Variants in ZNF83 observed in about 807,000 individuals in gnomAD.
The protein encoded by ZNF83 is zinc finger protein 816B.
For missense variants in ZNF83, 552 were observed against 629.9 expected (o/e 0.88, Z 1.32); for synonymous variants, 209 against 213.0 (o/e 0.98, Z 0.17).
In ZNF83 at chr19:52,613,151, G is replaced by C. The variant is rs756035466; in HGVS notation, c.1414C>G (p.Leu472Val). The change falls in exon 3 of 3, where the codon CTC becomes GTC. Residue 472 changes from leucine to valine, a missense_variant. By Grantham distance (32) the Leu-to-Val change is conservative. Transcript: ENST00000301096. ...GTGTGGATCGCATGATGATTAGTGA[G>C]GCTTGAACGCATACTAAAAGCTTTG... The C allele has an allele frequency of 7.4e-6, 12 of 1,613,546 alleles. No homozygotes were observed. The highest frequency in any genetic ancestry group is 1.0e-5 in the Non-Finnish European group (12 of 1,179,916).
intron 1 of ZNF83, among the ~76,000 whole-genome samples, chr19:52,689,520 C>T (rs1463735952): frequency 3.3e-5 from 5 of 152,142 alleles, no homozygotes; most frequent in African/African-American, 1.2e-4. Context: ...CTCTCCCTCA[C>T]CCTGATGAGC....
chr19:52,670,436 T>C (rs572381636), intron 1 of ZNF83, among the ~76,000 whole-genome samples: 96 of 152,280 alleles, frequency 6.3e-4, no homozygotes, highest in African/African-American at 2.3e-3. Context: ...GCACTCACCA[T>C]TGCTCCCTCT....
At chr19:52,683,865 G>T (rs904466784) in intron 1 of ZNF83, among the ~76,000 whole-genome samples, 1 of 152,162 alleles carries the variant, frequency 6.6e-6, no homozygotes, top group African/African-American at 2.4e-5. Context: ...AGGTGCTGCT[G>T]TTGTCCTGTG....
chr19:52,672,406 T>A (rs1414389281), intron 1 of ZNF83, among the ~76,000 whole-genome samples: 1 of 152,176 alleles, frequency 6.6e-6, no homozygotes, highest in East Asian at 1.9e-4. Flanking sequence ...AAAATATGAT[T>A]ACATTTAGAA....
At chr19:52,670,597 C>A (rs1568575253) in intron 1 of ZNF83, among the ~76,000 whole-genome samples, 1 of 152,128 alleles carries the variant, frequency 6.6e-6, no homozygotes, top group Non-Finnish European at 1.5e-5. Flanking sequence ...GAGTCAAACT[C>A]TGTAAAATAT....
chr19:52,683,013 G>GC (rs2061948181), intron 1 of ZNF83, among the ~76,000 whole-genome samples: 2 of 152,110 alleles, frequency 1.3e-5, no homozygotes, highest in Non-Finnish European at 2.9e-5. Context: ...TGAGATTATA[G>GC]GCATGTGCCA....
At chr19:52,674,841 G>T (rs1048641277) in intron 1 of ZNF83, among the ~76,000 whole-genome samples, 5 of 152,148 alleles carry the variant, frequency 3.3e-5, no homozygotes, top group Admixed American at 6.5e-5. Context: ...AGATGATTTA[G>T]ATTTAACACA....
chr19:52,685,806 G>A (rs779957645), intron 1 of ZNF83, among the ~76,000 whole-genome samples: 1 of 151,046 alleles, frequency 6.6e-6, no homozygotes, highest in South Asian at 2.1e-4. Flanking sequence ...GCTGAAGCAG[G>A]AGAATCACTT....
exon 3 of ZNF83, chr19:52,613,976 T>C (rs754185313): frequency 6.2e-7 from 1 of 1,613,578 alleles, no homozygotes; most frequent in South Asian, 1.1e-5. Context: ...GTATGAATTC[T>C]TTGATGTTGT....
chr19:52,645,317 G>A lies in ZNF83; in HGVS notation c.-73-10164C>T, dbSNP rs901185059. On this transcript the variant is annotated intron_variant, in intron 3 of 5. Coordinates refer to the ZNF83 transcript ENST00000594682. ...ATAAATAATAAAGACTAGAAAGCAT[G>A]CACATCTCGATTTGAACCAGACACA... Among the ~76,000 whole-genome samples the A allele has an allele frequency of 7.9e-5, 12 of 152,076 alleles. 1 individual carries two copies. The highest frequency in any genetic ancestry group is 7.9e-4 in the Admixed American group (12 of 15,256).
intron 1 of ZNF83, chr19:52,660,927 T>G (rs2061571724): frequency 6.5e-6 from 1 of 152,928 alleles, no homozygotes; most frequent in Admixed American, 6.6e-5. Context: ...TTCAGTGACA[T>G]GATCTCGTCT....
At chr19:52,635,310 CA>C (rs1280992627) in intron 1 of ZNF83, 157 bp from the exon 2 acceptor site, 1 of 419,932 alleles carries the variant, frequency 2.4e-6, no homozygotes, top group Non-Finnish European at 4.2e-6. Context: ...AAAACTCCCG[CA>C]CCCTTCTGGA....
Position 52,618,617 on chromosome 19 carries a change from G to C in ZNF83, c.-233-3820C>G, listed in dbSNP as rs180673061. On this transcript the variant is annotated intron_variant, in intron 2 of 2. Coordinates refer to ENST00000301096, the Ensembl canonical transcript of ZNF83. Reference sequence around the variant, plus strand: ...TCGCCATGTTGGTGAGGCTAGTATCGAACTCCTGACCTGAAGTGATCCACA... The same window carrying C: ...TCGCCATGTTGGTGAGGCTAGTATCCAACTCCTGACCTGAAGTGATCCACA... 563 of 333,222 alleles carry C rather than the reference G, an allele frequency of 1.7e-3. 5 individuals carry two copies. Among genetic ancestry groups the C allele is most frequent in the African/African-American group, 0.011 (523 of 46,328 alleles). 20.6% of individuals were successfully genotyped at this position (333,222 alleles called of 1,614,324 possible).
chr19:52,645,029 AAAG>A (rs1568560315), intron 3 of ZNF83, among the ~76,000 whole-genome samples: 1 of 151,862 alleles, frequency 6.6e-6, no homozygotes, highest in Non-Finnish European at 1.5e-5. Flanking sequence ...AAAAAAAAAA[AAAG>A]GGGGTGCTTT....
intron 1 of ZNF83, among the ~76,000 whole-genome samples, chr19:52,673,995 AAC>A (rs926504543): frequency 6.8e-6 from 1 of 146,396 alleles, no homozygotes; most frequent in African/African-American, 2.5e-5. Flanking sequence ...CAGCCTGGGT[AAC>A]AGAGTGAGAC....
At chr19:52,650,805 C>G (rs2061432552) in intron 3 of ZNF83, 2 of 152,198 alleles carry the variant, frequency 1.3e-5, no homozygotes, top group Admixed American at 6.5e-5. Context: ...TAGGTATAGG[C>G]TTGCGTGTAA....
intron 1 of ZNF83, among the ~76,000 whole-genome samples, chr19:52,684,638 G>A (rs182572826): frequency 3.3e-5 from 5 of 152,244 alleles, no homozygotes; most frequent in East Asian, 1.9e-4. Context: ...GATAGAGACT[G>A]GTGGGCAGAG....
At chr19:52,618,881 A>C in intron 2 of ZNF83, 14 of 1,513,210 alleles carry the variant, frequency 9.3e-6, no homozygotes, top group Non-Finnish European at 1.3e-5. Context: ...AAACAAGAGA[A>C]AATGCAAAGA....
At position 52,613,447 on chromosome 19, in the gene ZNF83, T is replaced by G. The variant is rs149980539; in HGVS notation, c.1118A>C (p.Tyr373Ser). The G allele has an allele frequency of 3.7e-4, 603 of 1,614,116 alleles. 1 individual carries two copies. The African/African-American group carries it at 7.4e-3, about 20-fold the overall frequency. The change falls in exon 3 of 3, where the codon TAT becomes TCT. Residue 373 changes from tyrosine (Y) to serine (S), a missense_variant. Transcript: ENST00000301096. The stretch of plus-strand genomic sequence containing the variant: ...TGCTTTGTCACATTCATCACACTTA[T>G]AAGGTTTCTCACCGGCATGAATTAT...
Sources: allele counts gnomAD v4.1 joint callset (sites outside exome capture counted in the v4.1 genomes callset), GRCh38; gene constraint gnomAD v4.1.1; transcripts MANE v1.5; gene names NCBI Gene and HGNC (gene_info 2026-07-23, HGNC 2026-07-21).